SAPCD2: variants seen among roughly 807,000 people sequenced by gnomAD.
SAPCD2 encodes suppressor APC domain-containing protein 2.
Under a neutral mutation model 37.8 loss-of-function variants are expected in SAPCD2, and 34 were observed. That is an observed-to-expected ratio of 0.90 (90% CI 0.68 to 1.20). The LOEUF (loss-of-function observed/expected upper bound fraction) is 1.20. Among genes scored for constraint, SAPCD2 ranks in the 50% most tolerant of loss-of-function variants. SAPCD2 has a pLI of 0.00. For missense variants in SAPCD2, 572 were observed against 584.7 expected (o/e 0.98, Z 0.22); for synonymous variants, 275 against 270.3 (o/e 1.02, Z -0.17).
At chr9:137,066,208 C>T (rs978090516) in intron 2 of SAPCD2, 54 bp downstream of exon 2, 8 of 1,418,042 alleles carry the variant, frequency 5.6e-6, no homozygotes, top group Middle Eastern at 2.4e-4. Flanking sequence ...CCCATCCCGG[C>T]CTCCAGCCTC....
Position 137,065,952 on chromosome 9 carries a change from A to C in SAPCD2, c.685-284T>G, listed in dbSNP as rs958679693. Among the ~76,000 whole-genome samples the C allele has an allele frequency of 3.3e-5, 5 of 152,254 alleles. No homozygotes were observed. In the East Asian group the frequency reaches 9.6e-4, roughly 29 times the overall value. ...CTGGGGGAGGGGTGACGGACCCTTCAGCTGAGCCCACCCTCCCGAAGTCTG... is the reference window on the plus strand; with the variant it reads ...CTGGGGGAGGGGTGACGGACCCTTCCGCTGAGCCCACCCTCCCGAAGTCTG... On this transcript the variant is annotated intron_variant, in intron 2 of 5. Transcript: ENST00000409687.
chr9:137,070,410 G>C lies in SAPCD2; in HGVS notation c.51C>G (p.Pro17=), dbSNP rs1392588024. 7.6e-7 allele frequency: 1 copy of C among 1,312,712 alleles called. No individual in the cohort carries two copies. Among genetic ancestry groups the C allele is most frequent in the African/African-American group, 1.5e-5 (1 of 65,410 alleles). 81.3% of individuals were successfully genotyped at this position (1,312,712 alleles called of 1,614,324 possible). A position where few individuals can be genotyped will look rare whatever the true frequency, so the allele number is the denominator to read the frequency against. ...GCGGCAGCCCCTCCGTGCTGGGCGC[G>C]GGTGCGGGGGGAGGCACGCGGCCCC... ...AERGRVPPPA[P]APSTEGLPRA... Residue 17 remains proline, a synonymous_variant, in exon 1 of 6, where the codon CCC becomes CCG. Coordinates refer to ENST00000409687, the MANE Select transcript of SAPCD2 (RefSeq NM_178448.4).
Position 137,063,495 on chromosome 9 carries a change from C to A in SAPCD2, c.*1164G>T, listed in dbSNP as rs1475031678. Reference sequence around the variant, plus strand: ...TCGGAGGCCCTGCGCCCCACACACACTGACCCCGCATCGGCATCGGGGGCC... The same window carrying A: ...TCGGAGGCCCTGCGCCCCACACACAATGACCCCGCATCGGCATCGGGGGCC... On this transcript the variant is annotated 3_prime_UTR_variant, in exon 6 of 6. Coordinates refer to ENST00000409687, the MANE Select transcript of SAPCD2 (RefSeq NM_178448.4). The A allele has an allele frequency of 1.5e-5, 1 of 66,846 alleles. No homozygotes were observed. The highest frequency in any genetic ancestry group is 1.0e-4 in the African/African-American group (1 of 9,722). 4.1% of individuals were successfully genotyped at this position (66,846 alleles called of 1,614,324 possible).
intron 1 of SAPCD2, among the ~76,000 whole-genome samples, chr9:137,067,841 G>T (rs1832572037): frequency 7.0e-6 from 1 of 143,652 alleles, no homozygotes; most frequent in East Asian, 2.2e-4. Flanking sequence ...GCACCCAACT[G>T]ACAAGTCAGG....
At chr9:137,067,255 C>T (rs886629124) in intron 1 of SAPCD2, among the ~76,000 whole-genome samples, 4 of 151,190 alleles carry the variant, frequency 2.6e-5, no homozygotes, top group African/African-American at 9.7e-5. Context: ...TCCCAAAGTG[C>T]TGGAATTACA....
intron 1 of SAPCD2, among the ~76,000 whole-genome samples, chr9:137,068,339 T>A (rs1475476419): frequency 6.6e-6 from 1 of 152,146 alleles, no homozygotes. Context: ...AGCTCCTGGG[T>A]CCCCAGATAG....
In SAPCD2 at chr9:137,067,356, G is replaced by A. The variant is rs528617929; in HGVS notation, c.572-982C>T. ...TGCAGTGGCATGCACCTGTGGTCCC[G>A]GCTACTCAGGAGCCTGAGGCAGGAG... is the stretch of plus-strand genomic sequence containing the variant. On this transcript the variant is annotated intron_variant, in intron 1 of 5. Coordinates refer to ENST00000409687, the MANE Select transcript of SAPCD2 (RefSeq NM_178448.4). 5.3e-5 allele frequency among the ~76,000 whole-genome samples: 8 copies of A among 151,602 alleles called. No homozygotes were observed. The South Asian group carries it at 1.3e-3, about 24-fold the overall frequency.
chr9:137,064,180 G>C lies in SAPCD2; in HGVS notation c.*479C>G, dbSNP rs1832506670. The C allele has an allele frequency of 1.9e-5, 4 of 205,496 alleles. 1 individual carries two copies. The South Asian group carries it at 2.5e-4, about 13-fold the overall frequency. 12.7% of individuals were successfully genotyped at this position (205,496 alleles called of 1,614,324 possible). A position where few individuals can be genotyped will look rare whatever the true frequency, so the allele number is the denominator to read the frequency against. ...CCTCCATCTACTTCCGTCCGTCCGA[G>C]CTACAGCCACCTCGTCCTGGTGCCC... On this transcript the variant is annotated 3_prime_UTR_variant, in exon 6 of 6. Transcript: ENST00000409687.
chr9:137,064,593 T>C lies in SAPCD2; in HGVS notation c.*66A>G. The C allele has an allele frequency of 6.5e-7, 1 of 1,527,462 alleles. No homozygotes were observed. The allele number at this position is 1,527,462 out of a possible 1,614,324, so 94.6% of individuals were successfully genotyped here. ...CTCCAGCCAGAGAGGGTGGGTGCGATGGGGCGCCCACCCTCGAAGGGCTGA... is the reference window on the plus strand; with the variant it reads ...CTCCAGCCAGAGAGGGTGGGTGCGACGGGGCGCCCACCCTCGAAGGGCTGA... On this transcript the variant is annotated 3_prime_UTR_variant, in exon 6 of 6. Coordinates refer to ENST00000409687, the MANE Select transcript of SAPCD2 (RefSeq NM_178448.4).
At position 137,065,098 on chromosome 9, in the gene SAPCD2, C is replaced by T. The variant is rs1261050165; in HGVS notation, c.919G>A (p.Ala307Thr). 3 of 1,537,670 alleles carry T rather than the reference C, an allele frequency of 2.0e-6. No individual in the cohort carries two copies. Among genetic ancestry groups the T allele is most frequent in the Non-Finnish European group, 2.6e-6 (3 of 1,141,900 alleles). The change falls in exon 4 of 6, where the codon GCT becomes ACT. Residue 307 changes from alanine to threonine, a missense_variant. Coordinates refer to ENST00000409687, the MANE Select transcript of SAPCD2 (RefSeq NM_178448.4). Reference protein sequence around the residue: ...EVARCLGELLAAACASRALPP... With the variant: ...EVARCLGELLTAACASRALPP... ...CTCACCCGGCTGGCACAGGCTGCAG[C>T]CAGCAGCTCCCCCAGGCACCGGGCC...
In SAPCD2 at chr9:137,069,904, G is replaced by T; in HGVS notation, c.557C>A (p.Ser186Tyr). 7.8e-7 allele frequency: 1 copy of T among 1,277,070 alleles called. No individual in the cohort carries two copies. The highest frequency in any genetic ancestry group is 2.4e-5 in the South Asian group (1 of 40,976). 79.1% of individuals were successfully genotyped at this position (1,277,070 alleles called of 1,614,324 possible). The change falls in exon 1 of 6, where the codon TCC becomes TAC. Residue 186 changes from serine (S) to tyrosine (Y), a missense_variant. Coordinates refer to ENST00000409687, the MANE Select transcript of SAPCD2 (RefSeq NM_178448.4). ...RSQSAALEPS[S>Y]SADAGAVACR... ...CCGGAACTCACCTGCGTCCGCGCTG[G>T]AGCTCGGTTCCAGCGCCGCGCTCTG...
At chr9:137,066,234 G>GC (rs1290978128) in intron 2 of SAPCD2, 28 bp downstream of exon 2, 19 of 1,541,992 alleles carry the variant, frequency 1.2e-5, no homozygotes, top group Non-Finnish European at 1.7e-5. Flanking sequence ...AAGATGGAGA[G>GC]CCCCACAGAG....
In SAPCD2 at chr9:137,069,922, G is replaced by C. The variant is rs1832599339; in HGVS notation, c.539C>G (p.Ala180Gly). ...CGCGCTGGAGCTCGGTTCCAGCGCC[G>C]CGCTCTGGGACCGCTCGGGCTCCGC... ...CPAEPERSQS[A>G]ALEPSSSADA... Residue 180 changes from alanine to glycine, a missense_variant, in exon 1 of 6, where the codon GCG becomes GGG. Ala to Gly is a moderately conservative substitution (Grantham distance 60). Transcript: ENST00000409687. 1 of 1,284,432 alleles carries C rather than the reference G, an allele frequency of 7.8e-7. No homozygotes were observed. Among genetic ancestry groups the C allele is most frequent in the South Asian group, 2.4e-5 (1 of 42,268 alleles). 79.6% of individuals were successfully genotyped at this position (1,284,432 alleles called of 1,614,324 possible).
In SAPCD2 at chr9:137,064,411, C is replaced by T; in HGVS notation, c.*248G>A. On this transcript the variant is annotated 3_prime_UTR_variant, in exon 6 of 6. Coordinates refer to ENST00000409687, the MANE Select transcript of SAPCD2 (RefSeq NM_178448.4). ...GCGGCAGTAGTAGCTGCGGACTATG[C>T]GGACTCAAGAGAGCCCCAGCCCATG... 1.8e-5 allele frequency: 10 copies of T among 570,212 alleles called. No homozygotes were observed. The highest frequency in any genetic ancestry group is 4.0e-5 in the South Asian group (2 of 49,916). The allele number at this position is 570,212 out of a possible 1,614,324, so 35.3% of individuals were successfully genotyped here. A position where few individuals can be genotyped will look rare whatever the true frequency, so the allele number is the denominator to read the frequency against.
Position 137,066,257 on chromosome 9 carries a change from C to G in SAPCD2, c.684+5G>C. On this transcript the variant is annotated splice_donor_5th_base_variant and intron_variant, in intron 2 of 5. Coordinates refer to ENST00000409687, the MANE Select transcript of SAPCD2 (RefSeq NM_178448.4). ...GAGCCCCACAGAGCCCCAGTCCCTG[C>G]TCACCAGGCCGCAGTCCACGCCGCT... 1 of 1,596,114 alleles carries G rather than the reference C, an allele frequency of 6.3e-7. No homozygotes were observed. Among genetic ancestry groups the G allele is most frequent in the Non-Finnish European group, 8.5e-7 (1 of 1,173,144 alleles).
intron 1 of SAPCD2, among the ~76,000 whole-genome samples, chr9:137,067,544 G>C (rs1372547601): frequency 3.3e-5 from 5 of 150,770 alleles, no homozygotes; most frequent in African/African-American, 7.3e-5. Flanking sequence ...AGCTGGGGCG[G>C]GGGGGGATCA....
rs1832535517 is a variant in SAPCD2, at chr9:137,065,688, A to G, written c.685-20T>C. 3.2e-6 allele frequency: 5 copies of G among 1,587,068 alleles called. No homozygotes were observed. The highest frequency in any genetic ancestry group is 1.1e-5 in the South Asian group (1 of 88,704). On this transcript the variant is annotated intron_variant, in intron 2 of 5. Transcript: ENST00000409687. ...CTTCAGCTGCAATACGTGCATTTAC[A>G]TGGAATGCCTGGCCCCAGTGAGCAC...
In SAPCD2 at chr9:137,066,163, G is replaced by A. The variant is rs574134696; in HGVS notation, c.684+99C>T. On this transcript the variant is annotated intron_variant, in intron 2 of 5. Transcript: ENST00000409687. ...GATGTCCAGAGCTGACTGTACTTCC[G>A]CCATGGACTCCCCCAGGCTCAAGGC... The A allele has an allele frequency of 1.8e-3, 1,638 of 931,026 alleles. 34 individuals carry two copies. In the South Asian group the frequency reaches 0.02, roughly 11 times the overall value. The allele number at this position is 931,026 out of a possible 1,614,324, so 57.7% of individuals were successfully genotyped here. A position where few individuals can be genotyped will look rare whatever the true frequency, so the allele number is the denominator to read the frequency against.
chr9:137,070,199 C>T lies in SAPCD2; in HGVS notation c.262G>A (p.Val88Met), dbSNP rs1404702732. ...AGCAGGGAGGTGCGCAGGCCGGCCA[C>T]GAAGCGCTCGAAGGTCAGGTAGCCG... ...ASGYLTFERF[V>M]AGLRTSLLSA... is the part of the protein sequence containing the mutation. The change falls in exon 1 of 6, where the codon GTG becomes ATG. Residue 88 changes from valine (V) to methionine (M), a missense_variant. Transcript: ENST00000409687. The T allele has an allele frequency of 4.4e-6, 6 of 1,370,502 alleles. No individual in the cohort carries two copies. The highest frequency in any genetic ancestry group is 5.7e-6 in the Non-Finnish European group (6 of 1,054,946). The allele number at this position is 1,370,502 out of a possible 1,614,324, so 84.9% of individuals were successfully genotyped here. A position where few individuals can be genotyped will look rare whatever the true frequency, so the allele number is the denominator to read the frequency against.
Sources: allele counts gnomAD v4.1 joint callset (sites outside exome capture counted in the v4.1 genomes callset), GRCh38; gene constraint gnomAD v4.1.1; transcripts MANE v1.5; gene names NCBI Gene and HGNC (gene_info 2026-07-23, HGNC 2026-07-21).